RAP1GAP: variants seen among roughly 807,000 people sequenced by gnomAD.
RAP1GAP encodes RAP1 GTPase activating protein, also known as rap1 GTPase-activating protein 1.
In RAP1GAP, 35 loss-of-function variants were observed where a neutral mutation model predicts 87.2. The ratio of observed to expected loss-of-function variants is 0.40; its 90% CI spans 0.31 to 0.53. The LOEUF (loss-of-function observed/expected upper bound fraction) is 0.53. RAP1GAP is among the 20% of genes least tolerant of loss of function. RAP1GAP has a pLI of 0.48. For synonymous variants in RAP1GAP, 375 were observed against 363.9 expected (o/e 1.03, Z -0.35); for missense variants, 734 against 898.9 (o/e 0.82, Z 2.35).
At chr1:21,648,456 G>A (rs765895046) in intron 2 of RAP1GAP, among the ~76,000 whole-genome samples, 1 of 152,180 alleles carries the variant, frequency 6.6e-6, no homozygotes, top group Non-Finnish European at 1.5e-5. Flanking sequence ...CTGCTTGTGT[G>A]ACCTTGGGCA....
At chr1:21,601,197 C>T (rs1014483744) in intron 20 of RAP1GAP, among the ~76,000 whole-genome samples, 3 of 152,100 alleles carry the variant, frequency 2.0e-5, no homozygotes, top group Admixed American at 6.5e-5. Context: ...CTCCCAGCCA[C>T]CCTTCTTTCT....
At chr1:21,619,097 C>T (rs376650283) in intron 4 of RAP1GAP, 25 bp from the exon 5 acceptor site, 24 of 1,584,476 alleles carry the variant, frequency 1.5e-5, no homozygotes, top group African/African-American at 9.4e-5. Flanking sequence ...AGCACTGTTA[C>T]ACCCTCCCAG....
intron 3 of RAP1GAP, among the ~76,000 whole-genome samples, chr1:21,620,603 A>C (rs970742215): frequency 6.6e-6 from 1 of 152,100 alleles, no homozygotes; most frequent in Non-Finnish European, 1.5e-5. Flanking sequence ...CTCCCGGGTG[A>C]GCCAGGGCAC....
chr1:21,621,676 T>C (rs986917868), intron 3 of RAP1GAP, among the ~76,000 whole-genome samples: 8 of 152,226 alleles, frequency 5.3e-5, no homozygotes, highest in African/African-American at 1.9e-4. Context: ...ACACACTGTA[T>C]GACAGCAACT....
chr1:21,611,672 G>A (rs2078414472), intron 12 of RAP1GAP, 44 bp downstream of exon 12: 1 of 1,612,526 alleles, frequency 6.2e-7, no homozygotes, highest in Non-Finnish European at 8.5e-7. Context: ...CTGCCCAGGA[G>A]CACAAGTCAG....
At chr1:21,648,996 A>G (rs1336538361) in intron 2 of RAP1GAP, among the ~76,000 whole-genome samples, 1 of 152,122 alleles carries the variant, frequency 6.6e-6, no homozygotes, top group Non-Finnish European at 1.5e-5. Context: ...AGGGGCAGGA[A>G]GCAGCAGCCA....
At chr1:21,665,380 C>T (rs772602616) in intron 1 of RAP1GAP, 16 of 379,680 alleles carry the variant, frequency 4.2e-5, no homozygotes, top group African/African-American at 6.1e-5. Context: ...CACAAAGCAC[C>T]GGGCTGTGGC....
intron 2 of RAP1GAP, among the ~76,000 whole-genome samples, chr1:21,644,664 C>G (rs1459577332): frequency 6.6e-6 from 1 of 152,068 alleles, no homozygotes; most frequent in Non-Finnish European, 1.5e-5. Context: ...CTTTGGGAGG[C>G]CAAGGCAGGA....
In RAP1GAP at chr1:21,617,629, C is replaced by T. The variant is rs77980862; in HGVS notation, c.106-138G>A. On this transcript the variant is annotated intron_variant, in intron 6 of 24. Coordinates refer to ENST00000374765, the MANE Select transcript of RAP1GAP (RefSeq NM_002885.4). ...GGACAGGCCAGAGCCTGTGTGGGCC[C>T]CAGGGTTCTGCTCCAGCCCTTTCCC... is the stretch of plus-strand genomic sequence containing the variant. 3.2e-3 allele frequency: 3,474 copies of T among 1,073,714 alleles called. 109 individuals carry two copies. The African/African-American group carries it at 0.05, about 15-fold the overall frequency. The allele number at this position is 1,073,714 out of a possible 1,614,324, so 66.5% of individuals were successfully genotyped here. A position where few individuals can be genotyped will look rare whatever the true frequency, so the allele number is the denominator to read the frequency against.
intron 22 of RAP1GAP, 48 bp downstream of exon 22, chr1:21,598,352 T>C: frequency 6.6e-7 from 1 of 1,522,050 alleles, no homozygotes; most frequent in Non-Finnish European, 9.1e-7. Flanking sequence ...GTCCCCCTCC[T>C]ACCCCAAGGT....
chr1:21,652,090 G>A (rs1255324761), intron 1 of RAP1GAP, among the ~76,000 whole-genome samples: 1 of 151,410 alleles, frequency 6.6e-6, no homozygotes, highest in Non-Finnish European at 1.5e-5. Context: ...CGGGGCCCGG[G>A]GCAGCCCCTC....
intron 2 of RAP1GAP, among the ~76,000 whole-genome samples, chr1:21,644,999 G>A (rs997356352): frequency 2.0e-5 from 3 of 151,676 alleles, no homozygotes; most frequent in Non-Finnish European, 2.9e-5. Context: ...GTCTGCCTCC[G>A]CCATTCCCAA....
At chr1:21,655,617 C>A (rs1320049642) in intron 1 of RAP1GAP, among the ~76,000 whole-genome samples, 1 of 150,844 alleles carries the variant, frequency 6.6e-6, no homozygotes, top group Non-Finnish European at 1.5e-5. Flanking sequence ...TGGCCTCCAG[C>A]CTCTTACCTA....
chr1:21,630,389 C>T (rs566782848), intron 2 of RAP1GAP, among the ~76,000 whole-genome samples: 8 of 152,102 alleles, frequency 5.3e-5, no homozygotes, highest in Non-Finnish European at 2.9e-5. Context: ...CCTCCTCAGC[C>T]TCCCAAGTTG....
intron 2 of RAP1GAP, among the ~76,000 whole-genome samples, chr1:21,629,971 C>T (rs1046275506): frequency 3.9e-5 from 6 of 152,236 alleles, no homozygotes; most frequent in African/African-American, 2.4e-5. Flanking sequence ...CACGATCCAG[C>T]ACCTCAAGTC....
intron 18 of RAP1GAP, among the ~76,000 whole-genome samples, chr1:21,605,078 T>G (rs2073415408): frequency 6.6e-6 from 1 of 151,430 alleles, no homozygotes; most frequent in South Asian, 2.1e-4. Context: ...GGTGGCTGGA[T>G]GGATGGGTGG....
chr1:21,643,334 C>T (rs571612618), intron 2 of RAP1GAP, among the ~76,000 whole-genome samples: 1 of 152,078 alleles, frequency 6.6e-6, no homozygotes, highest in South Asian at 2.1e-4. Flanking sequence ...CCGAGACGGG[C>T]GGATCATGAG....
intron 1 of RAP1GAP, among the ~76,000 whole-genome samples, chr1:21,653,880 A>G (rs2096750570): frequency 6.6e-6 from 1 of 152,088 alleles, no homozygotes; most frequent in African/African-American, 2.4e-5. Flanking sequence ...TGGTTTCTGC[A>G]TGCCCAGTTG....
intron 7 of RAP1GAP, among the ~76,000 whole-genome samples, chr1:21,616,160 C>T (rs1459681085): frequency 2.1e-5 from 3 of 143,534 alleles, no homozygotes; most frequent in South Asian, 4.7e-4. Context: ...CACACACACA[C>T]ACACACACAC....
Sources: allele counts gnomAD v4.1 joint callset (sites outside exome capture counted in the v4.1 genomes callset), GRCh38; gene constraint gnomAD v4.1.1; transcripts MANE v1.5; gene names NCBI Gene and HGNC (gene_info 2026-07-23, HGNC 2026-07-21).